PTPRT: variants seen among roughly 807,000 people sequenced by gnomAD.
PTPRT encodes protein tyrosine phosphatase receptor type T, also known as receptor-type tyrosine-protein phosphatase T.
A neutral mutation model predicts 176.8 loss-of-function variants in PTPRT; 56 were observed. The observed-to-expected ratio is 0.32, with a 90% CI of 0.26 to 0.40. The LOEUF is 0.40. Ranked by LOEUF, PTPRT falls within the 10% of genes least tolerant of loss-of-function variation. The pLI is 1.00. For missense variants in PTPRT, 1,540 were observed against 1,908.2 expected (o/e 0.81, Z 3.60); for synonymous variants, 783 against 739.0 (o/e 1.06, Z -0.96).
chr20:43,104,451 C>A (rs1310053880), intron 1 of PTPRT, among the ~76,000 whole-genome samples: 1 of 152,128 alleles, frequency 6.6e-6, no homozygotes, highest in Admixed American at 6.5e-5. Flanking sequence ...GCTTCCAAAC[C>A]CAATATTGCC....
chr20:42,104,270 A>C (rs900116534), intron 25 of PTPRT, among the ~76,000 whole-genome samples: 8 of 152,146 alleles, frequency 5.3e-5, no homozygotes, highest in Non-Finnish European at 1.0e-4. Context: ...GGAGTTGAAG[A>C]CCATCCTGGG....
At chr20:42,543,207 C>G (rs1568964556) in intron 7 of PTPRT, among the ~76,000 whole-genome samples, 1 of 152,170 alleles carries the variant, frequency 6.6e-6, no homozygotes, top group African/African-American at 2.4e-5. Context: ...TGATTGACAG[C>G]CTTTTACCCA....
chr20:42,603,883 T>C (rs1032707026), intron 7 of PTPRT, among the ~76,000 whole-genome samples: 13 of 152,302 alleles, frequency 8.5e-5, no homozygotes, highest in African/African-American at 2.9e-4. Context: ...CCCTCCTCCA[T>C]GCATATCCAG....
chr20:42,221,128 C>T lies in PTPRT; in HGVS notation c.2342+15101G>A, dbSNP rs557993929. Among the ~76,000 whole-genome samples the T allele has an allele frequency of 2.4e-4, 36 of 152,256 alleles. 1 individual carries two copies. Among genetic ancestry groups the T allele is most frequent in the African/African-American group, 7.0e-4 (29 of 41,538 alleles). On this transcript the variant is annotated intron_variant, in intron 15 of 30. Transcript: ENST00000373187. ...AAGCAATTCTCCTACCTCAGCCTCC[C>T]GAGTAGCTGAAATTACAGGCATGCA...
intron 7 of PTPRT, among the ~76,000 whole-genome samples, chr20:42,515,950 T>C (rs1036775991): frequency 6.7e-6 from 1 of 149,878 alleles, no homozygotes; most frequent in African/African-American, 2.5e-5. Context: ...TCATGTCCTT[T>C]GTAGGGACAT....
intron 1 of PTPRT, among the ~76,000 whole-genome samples, chr20:42,987,267 C>T (rs990779790): frequency 6.6e-6 from 1 of 152,210 alleles, no homozygotes; most frequent in African/African-American, 2.4e-5. Context: ...AGGGTGCCTA[C>T]TGGCCACATG....
the PTPRT span, among the ~76,000 whole-genome samples, chr20:42,047,721 G>T: frequency 7.9e-5 from 12 of 152,164 alleles, no homozygotes; most frequent in African/African-American, 2.7e-4. Flanking sequence ...GGCTATGCTT[G>T]ATGGGTTCTT....
intron 1 of PTPRT, among the ~76,000 whole-genome samples, chr20:43,074,786 T>C (rs2011232291): frequency 6.6e-6 from 1 of 152,214 alleles, no homozygotes; most frequent in Non-Finnish European, 1.5e-5. Flanking sequence ...AGTAGCTAGA[T>C]GTTTAGGTTC....
intron 7 of PTPRT, among the ~76,000 whole-genome samples, chr20:42,661,729 C>T (rs1384024593): frequency 2.0e-5 from 3 of 152,208 alleles, no homozygotes; most frequent in Non-Finnish European, 4.4e-5. Flanking sequence ...TCCTGCTACA[C>T]CTCATCTCAA....
chr20:42,237,801 A>T (rs1600714039), intron 14 of PTPRT, among the ~76,000 whole-genome samples: 1 of 152,260 alleles, frequency 6.6e-6, no homozygotes, highest in Non-Finnish European at 1.5e-5. Flanking sequence ...CTGACAATAA[A>T]TGATACATTT....
chr20:42,442,992 A>G (rs2059331438), intron 9 of PTPRT, among the ~76,000 whole-genome samples: 1 of 152,186 alleles, frequency 6.6e-6, no homozygotes, highest in South Asian at 2.1e-4. Context: ...CACCCTGATT[A>G]GGGAACCCTG....
chr20:42,108,554 T>C (rs568644998), intron 23 of PTPRT, among the ~76,000 whole-genome samples: 1 of 152,362 alleles, frequency 6.6e-6, no homozygotes, highest in Admixed American at 6.5e-5. Context: ...CCTGGATACA[T>C]AGCCATTTTT....
intron 7 of PTPRT, 120 bp downstream of exon 7, chr20:42,677,746 G>T (rs2075531597): frequency 8.5e-7 from 1 of 1,174,942 alleles, no homozygotes. Context: ...TCCACAATAG[G>T]AAGCACATTC....
intron 1 of PTPRT, among the ~76,000 whole-genome samples, chr20:43,030,480 A>G (rs1332742717): frequency 6.7e-6 from 1 of 150,326 alleles, no homozygotes; most frequent in East Asian, 1.9e-4. Flanking sequence ...CCAGTAGCCC[A>G]AAAGGGGGAA....
chr20:42,250,764 G>A (rs938229673), intron 13 of PTPRT, among the ~76,000 whole-genome samples: 43 of 152,228 alleles, frequency 2.8e-4, no homozygotes, highest in Admixed American at 7.2e-4. Context: ...TTTTGCCATT[G>A]AGTGGCCATG....
At chr20:42,344,518 A>G (rs1301806149) in intron 11 of PTPRT, among the ~76,000 whole-genome samples, 1 of 152,210 alleles carries the variant, frequency 6.6e-6, no homozygotes, top group East Asian at 1.9e-4. Flanking sequence ...GCAGAGGCTG[A>G]CAACGCAAGG....
chr20:42,703,763 T>A (rs1017642119), intron 6 of PTPRT, among the ~76,000 whole-genome samples: 1 of 152,158 alleles, frequency 6.6e-6, no homozygotes, highest in African/African-American at 2.4e-5. Context: ...ACGTGTGCCT[T>A]AGAGAGCTTT....
At chr20:43,014,785 T>C (rs553481002) in intron 1 of PTPRT, among the ~76,000 whole-genome samples, 2 of 152,230 alleles carry the variant, frequency 1.3e-5, no homozygotes, top group African/African-American at 2.4e-5. Flanking sequence ...ATAAAAAGGG[T>C]AAAAGAGGAT....
At chr20:42,760,516 T>TCTC (rs1223747967) in intron 5 of PTPRT, among the ~76,000 whole-genome samples, 1 of 148,422 alleles carries the variant, frequency 6.7e-6, no homozygotes, top group Non-Finnish European at 1.5e-5. Context: ...CTCACATAAA[T>TCTC]AAATCACTCC....
Sources: allele counts gnomAD v4.1 joint callset (sites outside exome capture counted in the v4.1 genomes callset), GRCh38; gene constraint gnomAD v4.1.1; transcripts MANE v1.5; gene names NCBI Gene and HGNC (gene_info 2026-07-23, HGNC 2026-07-21).